Variants in KCNMB2 observed in about 807,000 individuals in gnomAD.
KCNMB2 encodes the protein calcium-activated potassium channel subunit beta-2.
In KCNMB2, 9 loss-of-function variants were observed where a neutral mutation model predicts 24.5. That is an observed-to-expected ratio of 0.37 (90% CI 0.22 to 0.64). The LOEUF (loss-of-function observed/expected upper bound fraction) is 0.64. KCNMB2 is among the 30% of genes least tolerant of loss of function. KCNMB2 has a pLI of 0.63. For synonymous variants in KCNMB2, 109 were observed against 104.4 expected (o/e 1.04, Z -0.27); for missense variants, 226 against 284.3 (o/e 0.79, Z 1.47).
intron 1 of KCNMB2, among the ~76,000 whole-genome samples, chr3:178,640,807 T>G (rs1719696973): frequency 1.3e-5 from 2 of 152,310 alleles, no homozygotes; most frequent in South Asian, 4.1e-4. Context: ...ATGCTTATTC[T>G]AGAAGTTTTG....
chr3:178,815,799 C>A (rs1435619040), intron 2 of KCNMB2, among the ~76,000 whole-genome samples: 1 of 151,758 alleles, frequency 6.6e-6, no homozygotes, highest in Non-Finnish European at 1.5e-5. Flanking sequence ...ATGATTATAA[C>A]CCTTTAATAT....
intron 1 of KCNMB2, among the ~76,000 whole-genome samples, chr3:178,661,508 CACTCT>C (rs565203589): frequency 2.7e-4 from 41 of 152,228 alleles, no homozygotes; most frequent in African/African-American, 8.4e-4. Context: ...CTCTTGCGGT[CACTCT>C]ACTCTGCCAC....
intron 1 of KCNMB2, among the ~76,000 whole-genome samples, chr3:178,759,294 G>A (rs1270270048): frequency 9.5e-6 from 1 of 105,102 alleles, no homozygotes; most frequent in Non-Finnish European, 1.9e-5. Flanking sequence ...TCCAAGAGGA[G>A]ACATATATAT....
intron 1 of KCNMB2, among the ~76,000 whole-genome samples, chr3:178,682,115 C>T (rs1721291131): frequency 6.6e-6 from 1 of 152,180 alleles, no homozygotes; most frequent in African/African-American, 2.4e-5. Context: ...TCTCCACTTC[C>T]CTGGTCAAGT....
At chr3:178,580,057 A>G (rs1717141550) in intron 1 of KCNMB2, among the ~76,000 whole-genome samples, 2 of 152,226 alleles carry the variant, frequency 1.3e-5, no homozygotes, top group Admixed American at 1.3e-4. Context: ...CCTGGCAGAC[A>G]CAAAACAAAA....
intron 1 of KCNMB2, among the ~76,000 whole-genome samples, chr3:178,798,815 A>C (rs547574875): frequency 6.6e-6 from 1 of 152,002 alleles, no homozygotes; most frequent in Non-Finnish European, 1.5e-5. Flanking sequence ...GGTGCAGCAA[A>C]CCACCATGGC....
In KCNMB2 at chr3:178,652,321, T is replaced by C. The variant is rs112761135; in HGVS notation, c.-68+115610T>C. On this transcript the variant is annotated intron_variant, in intron 1 of 4. Transcript: ENST00000452583. ...CATTGCACACTGGGACCTGTCGAGG[T>C]TGGGTGGCTAGGGGAGGGATAGCAT... Among the ~76,000 whole-genome samples, 192 of 151,934 alleles carry C rather than the reference T, an allele frequency of 1.3e-3. 1 individual carries two copies. The highest frequency in any genetic ancestry group is 4.3e-3 in the African/African-American group (179 of 41,438).
intron 1 of KCNMB2, among the ~76,000 whole-genome samples, chr3:178,672,741 T>C (rs1485175119): frequency 6.6e-6 from 1 of 152,162 alleles, no homozygotes. Context: ...CTAGGGAAGT[T>C]CTTTAAATTC....
chr3:178,661,274 G>C lies in KCNMB2; in HGVS notation c.-68+124563G>C, dbSNP rs566696548. ...GTTCCTGTGTTAGTTTGTTGAGCAT[G>C]ATGGTTTCCAGCTTTATCCATGTTC... On this transcript the variant is annotated intron_variant, in intron 1 of 4. Coordinates refer to ENST00000452583, the MANE Select transcript of KCNMB2 (RefSeq NM_181361.3). Among the ~76,000 whole-genome samples the C allele has an allele frequency of 2.0e-5, 3 of 152,140 alleles. No homozygotes were observed. The East Asian group carries it at 5.8e-4, about 30-fold the overall frequency.
At chr3:178,820,195 T>C (rs1466340579) in intron 2 of KCNMB2, among the ~76,000 whole-genome samples, 2 of 152,262 alleles carry the variant, frequency 1.3e-5, no homozygotes, top group Non-Finnish European at 2.9e-5. Context: ...TGTAGTGAGC[T>C]GATCCTTCAG....
rs149140308 is a variant in KCNMB2 at position 178,712,912 on chromosome 3, TA to T, written c.-67-94427del. ...TATTACACATCACCATTTTAAAAACTAAAACTAAATAGAAAGTTAAAGCAAC... is the reference window on the plus strand; with the variant it reads ...TATTACACATCACCATTTTAAAAACTAAACTAAATAGAAAGTTAAAGCAAC... On this transcript the variant is annotated intron_variant, in intron 1 of 4. Transcript: ENST00000452583. Among the ~76,000 whole-genome samples the T allele has an allele frequency of 7.7e-3, 1,167 of 152,326 alleles. 15 individuals are homozygous for T. Among genetic ancestry groups the T allele is most frequent in the African/African-American group, 0.027 (1,130 of 41,574 alleles).
intron 1 of KCNMB2, among the ~76,000 whole-genome samples, chr3:178,724,194 C>A (rs2108361079): frequency 6.6e-6 from 1 of 151,988 alleles, no homozygotes; most frequent in South Asian, 2.1e-4. Flanking sequence ...TTAGTAATAG[C>A]CATTCTGACA....
At chr3:178,782,004 T>C (rs1278956976) in intron 1 of KCNMB2, among the ~76,000 whole-genome samples, 1 of 122,864 alleles carries the variant, frequency 8.1e-6, no homozygotes, top group African/African-American at 3.1e-5. Flanking sequence ...TGTGATCTCA[T>C]TGTTCAATTC....
At chr3:178,614,950 G>A (rs921687828) in intron 1 of KCNMB2, among the ~76,000 whole-genome samples, 1 of 152,174 alleles carries the variant, frequency 6.6e-6, no homozygotes, top group Non-Finnish European at 1.5e-5. Context: ...GGACTTGGGT[G>A]TTGTGATGTA....
At chr3:178,593,820 T>C (rs1004671975) in intron 1 of KCNMB2, among the ~76,000 whole-genome samples, 3 of 150,710 alleles carry the variant, frequency 2.0e-5, no homozygotes, top group Non-Finnish European at 2.9e-5. Context: ...AGTCTGATTA[T>C]GTCAGCCTTC....
chr3:178,733,820 A>G (rs1010134028), intron 1 of KCNMB2, among the ~76,000 whole-genome samples: 1 of 152,186 alleles, frequency 6.6e-6, no homozygotes, highest in African/African-American at 2.4e-5. Context: ...TATTGAATCT[A>G]AACTCTAAAC....
At chr3:178,758,561 G>GATGTATAT (rs1249492172) in intron 1 of KCNMB2, among the ~76,000 whole-genome samples, 1 of 16,964 alleles carries the variant, frequency 5.9e-5, no homozygotes, top group Non-Finnish European at 9.8e-5. Context: ...TCCAAGAGGA[G>GATGTATAT]ATATATATAT....
At chr3:178,771,434 A>G (rs1015990587) in intron 1 of KCNMB2, among the ~76,000 whole-genome samples, 2 of 137,364 alleles carry the variant, frequency 1.5e-5, no homozygotes, top group African/African-American at 5.4e-5. Context: ...GCCTTTTGTG[A>G]TCTGGCTTCC....
chr3:178,537,218 G>T lies in KCNMB2; in HGVS notation c.-68+507G>T, dbSNP rs1391915541. 3.9e-5 allele frequency: 6 copies of T among 152,170 alleles called. No individual in the cohort carries two copies. The East Asian group carries it at 9.6e-4, about 24-fold the overall frequency. 9.4% of individuals were successfully genotyped at this position (152,170 alleles called of 1,614,324 possible). A position where few individuals can be genotyped will look rare whatever the true frequency, so the allele number is the denominator to read the frequency against. On this transcript the variant is annotated intron_variant, in intron 1 of 4. Coordinates refer to ENST00000452583, the MANE Select transcript of KCNMB2 (RefSeq NM_181361.3). ...GATTACGACAAATTTCCCTGACAAA[G>T]AACTATTTCCTATGTAATCCATTAT...
Sources: gnomAD v4.1 joint callset for allele counts (sites outside exome capture counted in the v4.1 genomes callset) on GRCh38, gnomAD v4.1.1 for gene constraint, MANE v1.5 for transcripts, NCBI Gene and HGNC (gene_info 2026-07-23, HGNC 2026-07-21) for gene names.